Variants in DHX15 observed in about 807,000 individuals in gnomAD.
DHX15 encodes ATP-dependent RNA helicase DHX15.
In DHX15, 11 loss-of-function variants were observed where a neutral mutation model predicts 94.4. The observed-to-expected ratio is 0.12, with a 90% CI of 0.07 to 0.19. DHX15 has a LOEUF of 0.19. Ranked by LOEUF, DHX15 falls within the 10% of genes least tolerant of loss-of-function variation. The pLI, the probability that DHX15 is intolerant of heterozygous loss-of-function variation, is 1.00. For missense variants in DHX15, 304 were observed against 988.5 expected (o/e 0.31, Z 9.29); for synonymous variants, 338 against 329.9 (o/e 1.02, Z -0.27).
intron 5 of DHX15, 119 bp downstream of exon 5, chr4:24,554,606 C>T (rs1560768696): frequency 1.4e-6 from 1 of 740,226 alleles, no homozygotes. Flanking sequence ...CATATTAATA[C>T]AATCAGGTTG....
At chr4:24,567,974 C>T (rs1287450354) in intron 3 of DHX15, among the ~76,000 whole-genome samples, 1 of 152,180 alleles carries the variant, frequency 6.6e-6, no homozygotes, top group African/African-American at 2.4e-5. Flanking sequence ...CTAAGTTATA[C>T]CAGATCCAAT....
chr4:24,539,879 T>G (rs142888397), intron 10 of DHX15: 1 of 329,978 alleles, frequency 3.0e-6, no homozygotes. Context: ...TTATTAGCAC[T>G]CAAGAGAGCC....
In DHX15 at chr4:24,533,030, T is replaced by C; in HGVS notation, c.1934A>G (p.Tyr645Cys). 6.2e-7 allele frequency: 1 copy of C among 1,614,058 alleles called. No individual in the cohort carries two copies. The highest frequency in any genetic ancestry group is 8.5e-7 in the Non-Finnish European group (1 of 1,179,974). Residue 645 changes from tyrosine (Y) to cysteine (C), a missense_variant, in exon 12 of 14, where the codon TAT becomes TGT. Physicochemically the swap from Tyr to Cys is radical, Grantham distance 194. Around this residue, in one of 9 missense-constraint regions of DHX15, gnomAD observed 44 missense variants for 236.7 expected, o/e 0.19. Transcript: ENST00000336812. ...KQNHESVQWCYDNFINYRSLM... is the reference protein window; with the variant it reads ...KQNHESVQWCCDNFINYRSLM... ...GGACCTGTAGTTAATGAAGTTGTCA[T>C]AACACCACTGAACCGATTCATGATC...
intron 2 of DHX15, among the ~76,000 whole-genome samples, chr4:24,573,604 G>C (rs1722172125): frequency 6.6e-6 from 1 of 151,890 alleles, no homozygotes; most frequent in Non-Finnish European, 1.5e-5. Context: ...ATGTTCACTA[G>C]ACAGGAGTTT....
intron 6 of DHX15, among the ~76,000 whole-genome samples, chr4:24,544,721 C>T (rs1721386828): frequency 6.6e-6 from 1 of 152,172 alleles, no homozygotes; most frequent in Non-Finnish European, 1.5e-5. Context: ...TTAACACCCC[C>T]AAGCTTGTAT....
intron 9 of DHX15, 52 bp downstream of exon 9, chr4:24,540,786 AAG>A (rs1231594405): frequency 2.0e-6 from 2 of 1,004,398 alleles, no homozygotes; most frequent in Admixed American, 2.1e-5. Flanking sequence ...GAAAAACACT[AAG>A]AGTCAATTTT....
intron 6 of DHX15, among the ~76,000 whole-genome samples, chr4:24,543,952 T>C (rs1450727925): frequency 6.6e-6 from 1 of 152,240 alleles, no homozygotes; most frequent in Non-Finnish European, 1.5e-5. Context: ...TAGACATGGA[T>C]AGAAAGTGTG....
chr4:24,536,816 CTG>C (rs1721208252), intron 11 of DHX15, among the ~76,000 whole-genome samples: 2 of 152,164 alleles, frequency 1.3e-5, no homozygotes, highest in South Asian at 4.1e-4. Context: ...ATTTTTATCA[CTG>C]TTATTTTTCA....
chr4:24,528,094 G>C, intron 13 of DHX15, 53 bp from the exon 14 acceptor site: 1 of 1,263,002 alleles, frequency 7.9e-7, no homozygotes, highest in East Asian at 2.3e-5. Context: ...TTGAAGTACT[G>C]GAGTTGTTAA....
chr4:24,546,780 T>C (rs1390712250), intron 6 of DHX15, among the ~76,000 whole-genome samples: 2 of 152,206 alleles, frequency 1.3e-5, no homozygotes, highest in Non-Finnish European at 2.9e-5. Context: ...AAATATAAAG[T>C]TATACAGAAT....
intron 6 of DHX15, among the ~76,000 whole-genome samples, chr4:24,545,425 A>T (rs1246296544): frequency 2.6e-5 from 4 of 152,196 alleles, no homozygotes; most frequent in Non-Finnish European, 5.9e-5. Context: ...CAATTCGCGG[A>T]TACATGATTC....
At chr4:24,553,394 A>G (rs1401542321) in intron 5 of DHX15, among the ~76,000 whole-genome samples, 1 of 152,134 alleles carries the variant, frequency 6.6e-6, no homozygotes, top group East Asian at 1.9e-4. Flanking sequence ...ATGAGAAACT[A>G]GAGACCAGAC....
chr4:24,547,903 GTATATATATA>G (rs869194543), intron 6 of DHX15, among the ~76,000 whole-genome samples: 1,357 of 70,720 alleles, frequency 0.019, 63 homozygotes, highest in Admixed American at 0.051. Flanking sequence ...GTATGTATGT[GTATATATATA>G]TATATATATA....
chr4:24,545,898 T>C (rs1036435778), intron 6 of DHX15, among the ~76,000 whole-genome samples: 2 of 152,194 alleles, frequency 1.3e-5, no homozygotes, highest in African/African-American at 2.4e-5. Context: ...TTGACTAATA[T>C]GGAACAGACC....
chr4:24,583,648 T>C (rs1722526389), intron 1 of DHX15, among the ~76,000 whole-genome samples: 1 of 152,158 alleles, frequency 6.6e-6, no homozygotes, highest in South Asian at 2.1e-4. Flanking sequence ...CGCCAAACTA[T>C]AAACTCAGTC....
intron 3 of DHX15, among the ~76,000 whole-genome samples, chr4:24,569,661 T>C (rs1722079172): frequency 6.6e-6 from 1 of 150,682 alleles, no homozygotes. Flanking sequence ...TATATCTCTC[T>C]GACAACAAAG....
intron 1 of DHX15, among the ~76,000 whole-genome samples, chr4:24,578,558 T>C (rs560679467): frequency 6.6e-6 from 1 of 152,166 alleles, no homozygotes; most frequent in African/African-American, 2.4e-5. Flanking sequence ...AAAAATATAA[T>C]TGAAACAACT....
At chr4:24,534,956 C>CT (rs35732046) in intron 11 of DHX15, among the ~76,000 whole-genome samples, 66,633 of 143,142 alleles carry the variant, frequency 0.47, 16,292 homozygotes, top group East Asian at 0.63. Flanking sequence ...AAGTTTTTTG[C>CT]TTTTTTTTTT....
chr4:24,555,925 A>T (rs922045456), intron 4 of DHX15, among the ~76,000 whole-genome samples: 1 of 150,306 alleles, frequency 6.7e-6, no homozygotes, highest in African/African-American at 2.5e-5. Context: ...TGAGGGAGAA[A>T]GATTTGATCC....
Sources: allele counts gnomAD v4.1 joint callset (sites outside exome capture counted in the v4.1 genomes callset), GRCh38; gene constraint gnomAD v4.1.1; regional missense constraint gnomAD v4.1.1; transcripts MANE v1.5; gene names NCBI Gene and HGNC (gene_info 2026-07-23, HGNC 2026-07-21).